The following RORA variants were observed in gnomAD, a reference collection of about 807,000 sequenced individuals.
RORA encodes the protein RAR related orphan receptor A.
Under a neutral mutation model 69.5 loss-of-function variants are expected in RORA, and 7 were observed. The ratio of observed to expected loss-of-function variants is 0.10; its 90% CI spans 0.06 to 0.19. The LOEUF (loss-of-function observed/expected upper bound fraction) is 0.19. Ranked by LOEUF, RORA falls within the 10% of genes least tolerant of loss-of-function variation. The pLI is 1.00. For missense variants in RORA, 457 were observed against 663.0 expected (o/e 0.69, Z 3.41); for synonymous variants, 261 against 240.8 (o/e 1.08, Z -0.78).
chr15:60,914,349 G>C (rs1204303744), intron 1 of RORA, among the ~76,000 whole-genome samples: 2 of 152,168 alleles, frequency 1.3e-5, no homozygotes, highest in Non-Finnish European at 2.9e-5. Context: ...TAGCCACAGA[G>C]AATGAATTCA....
At position 60,544,281 on chromosome 15, in the gene RORA, A is replaced by C. The variant is rs140676232; in HGVS notation, c.197-12430T>G. ...CCCAACAGGGACCTCTTTTTATGGC[A>C]AAACCCAGCAGGTTTCATCTCGTCA... On this transcript the variant is annotated intron_variant, in intron 2 of 10. Coordinates refer to ENST00000335670, the MANE Select transcript of RORA (RefSeq NM_134261.3). Among the ~76,000 whole-genome samples, 878 of 152,326 alleles carry C rather than the reference A, an allele frequency of 5.8e-3. 7 individuals carry two copies. Among genetic ancestry groups the C allele is most frequent in the Non-Finnish European group, 9.8e-3 (665 of 68,028 alleles).
chr15:60,738,794 G>A (rs1383553915), intron 1 of RORA, among the ~76,000 whole-genome samples: 1 of 152,178 alleles, frequency 6.6e-6, no homozygotes, highest in Non-Finnish European at 1.5e-5. Context: ...AGGCTGGAAG[G>A]CCAAGATCAG....
chr15:60,634,409 T>C (rs974266369), intron 2 of RORA, among the ~76,000 whole-genome samples: 2 of 150,878 alleles, frequency 1.3e-5, no homozygotes, highest in Non-Finnish European at 2.9e-5. Context: ...CTTTTTTTTT[T>C]TTTTTCTTTT....
At chr15:60,800,965 G>A (rs1390746030) in intron 1 of RORA, among the ~76,000 whole-genome samples, 1 of 152,206 alleles carries the variant, frequency 6.6e-6, no homozygotes, top group African/African-American at 2.4e-5. Context: ...TTTCTGCAGT[G>A]CTTGGCACAC....
rs1475339998 is a variant in RORA, at chr15:61,061,169, T to C, written c.166+167884A>G. Among the ~76,000 whole-genome samples the C allele has an allele frequency of 1.3e-5, 2 of 151,870 alleles. No homozygotes were observed. Among genetic ancestry groups the C allele is most frequent in the Non-Finnish European group, 2.9e-5 (2 of 67,974 alleles). On this transcript the variant is annotated intron_variant, in intron 1 of 10. Transcript: ENST00000335670. This position sits in a 1 kb window ranked among gnomAD's most constrained non-coding sequence, Gnocchi z 4.4. ...GAGATCGAGACCATCCTGGCTAACA[T>C]GGTGAAACCCCGTCTCTACTAAAAC...
At chr15:60,528,029 G>A (rs1241080575) in intron 3 of RORA, 1 of 152,172 alleles carries the variant, frequency 6.6e-6, no homozygotes, top group Non-Finnish European at 1.5e-5. Flanking sequence ...AGACCACCTA[G>A]GTATGCTGTC....
At chr15:61,031,414 G>A (rs1305623611) in intron 1 of RORA, among the ~76,000 whole-genome samples, 1 of 152,018 alleles carries the variant, frequency 6.6e-6, no homozygotes, top group African/African-American at 2.4e-5. Context: ...TAACACTCTT[G>A]GTCTGGTTTT....
chr15:61,138,805 A>C (rs570232421), intron 1 of RORA, among the ~76,000 whole-genome samples: 1 of 152,322 alleles, frequency 6.6e-6, no homozygotes, highest in East Asian at 1.9e-4. Context: ...GATAAATGCC[A>C]TGACAGGGAC....
intron 1 of RORA, among the ~76,000 whole-genome samples, chr15:60,751,675 C>T (rs1254270389): frequency 2.0e-5 from 3 of 152,168 alleles, no homozygotes; most frequent in Non-Finnish European, 4.4e-5. Context: ...CCACTGCGGG[C>T]CTGGCTTTCA....
chr15:61,148,418 A>G (rs1278021074), intron 1 of RORA, among the ~76,000 whole-genome samples: 1 of 152,152 alleles, frequency 6.6e-6, no homozygotes, highest in East Asian at 1.9e-4. Flanking sequence ...TAAATGGTCC[A>G]CTAGACTACA....
chr15:61,185,457 C>A (rs1372867238), intron 1 of RORA, among the ~76,000 whole-genome samples: 4 of 152,214 alleles, frequency 2.6e-5, no homozygotes, highest in Non-Finnish European at 5.9e-5. Flanking sequence ...AACTCCATCT[C>A]TGCCAACTCT....
At chr15:60,606,889 C>G (rs370777736) in intron 2 of RORA, among the ~76,000 whole-genome samples, 1 of 152,046 alleles carries the variant, frequency 6.6e-6, no homozygotes, top group African/African-American at 2.4e-5. Flanking sequence ...AAGAAAGAAA[C>G]AAAGATCAGC....
Position 60,905,399 on chromosome 15 carries a change from T to C in RORA, c.167-226713A>G, listed in dbSNP as rs1891509424. On this transcript the variant is annotated intron_variant, in intron 1 of 10. Coordinates refer to ENST00000335670, the MANE Select transcript of RORA (RefSeq NM_134261.3). This position sits in a 1 kb window ranked among gnomAD's most constrained non-coding sequence, Gnocchi z 4.8. ...GACAGCTCATTAGATCAACTTTTTT[T>C]TCTGTGTATTTTTTTTTCTTTTTAA... Among the ~76,000 whole-genome samples the C allele has an allele frequency of 1.3e-5, 2 of 152,230 alleles. No individual in the cohort carries two copies. The highest frequency in any genetic ancestry group is 2.9e-5 in the Non-Finnish European group (2 of 68,042).
chr15:60,939,146 G>A (rs544787539), intron 1 of RORA, among the ~76,000 whole-genome samples: 1 of 152,298 alleles, frequency 6.6e-6, no homozygotes, highest in South Asian at 2.1e-4. Context: ...CTCCCTCGGA[G>A]ACTTCTTGTC....
At chr15:60,945,965 T>C (rs1341009820) in intron 1 of RORA, among the ~76,000 whole-genome samples, 1 of 152,204 alleles carries the variant, frequency 6.6e-6, no homozygotes, top group Non-Finnish European at 1.5e-5. Flanking sequence ...GAGTCAGGAA[T>C]GTACCAGGTT....
intron 1 of RORA, among the ~76,000 whole-genome samples, chr15:60,800,156 A>T (rs2072558371): frequency 6.6e-6 from 1 of 152,216 alleles, no homozygotes. Flanking sequence ...CTTAGACATC[A>T]GGGCTTTTTT....
chr15:60,886,122 CT>C (rs1245520374), intron 1 of RORA, among the ~76,000 whole-genome samples: 1 of 152,124 alleles, frequency 6.6e-6, no homozygotes. Flanking sequence ...CCAAAAAGTC[CT>C]TCAGTAGCCG....
At chr15:60,558,844 T>C (rs1354679929) in intron 2 of RORA, among the ~76,000 whole-genome samples, 1 of 141,980 alleles carries the variant, frequency 7.0e-6, no homozygotes, top group East Asian at 1.9e-4. Context: ...ATTTTTGGCT[T>C]TGACTGTGCC....
chr15:60,654,973 C>T (rs945327895), intron 2 of RORA, among the ~76,000 whole-genome samples: 3 of 151,992 alleles, frequency 2.0e-5, no homozygotes, highest in Non-Finnish European at 2.9e-5. Context: ...TTTTAAGTCC[C>T]GAGTTTGTGG....
Sources: allele counts gnomAD v4.1 joint callset (sites outside exome capture counted in the v4.1 genomes callset), GRCh38; gene constraint gnomAD v4.1.1; non-coding constraint Gnocchi (gnomAD v3.1); transcripts MANE v1.5; gene names NCBI Gene and HGNC (gene_info 2026-07-23, HGNC 2026-07-21).